The following KIAA1328 variants were observed in gnomAD, a reference collection of about 807,000 sequenced individuals.
KIAA1328 encodes KIAA1328.
Under a neutral mutation model 68.1 loss-of-function variants are expected in KIAA1328, and 52 were observed. The observed-to-expected ratio is 0.76, with a 90% CI of 0.61 to 0.96. The LOEUF is 0.96. Among genes scored for constraint, KIAA1328 ranks in the 40% least tolerant of loss-of-function variants. KIAA1328 has a pLI of 0.00. For missense variants in KIAA1328, 641 were observed against 677.6 expected, an observed-to-expected ratio of 0.95 and a Z score of 0.60; for synonymous variants, 232 against 239.4, an observed-to-expected ratio of 0.97 and a Z score of 0.28.
intron 5 of KIAA1328, 120 bp from the exon 6 acceptor site, chr18:36,959,188 C>T: frequency 1.1e-6 from 1 of 911,960 alleles, no homozygotes; most frequent in South Asian, 2.0e-5. Context: ...ATACTTATGA[C>T]TCTCGCCAAA....
chr18:37,086,139 A>G (rs2057097567), intron 7 of KIAA1328, among the ~76,000 whole-genome samples: 1 of 152,190 alleles, frequency 6.6e-6, no homozygotes. Context: ...GTGAGCTTGA[A>G]TAAGTTCTGG....
intron 5 of KIAA1328, among the ~76,000 whole-genome samples, chr18:36,897,167 C>T (rs958734537): frequency 3.3e-5 from 5 of 151,802 alleles, no homozygotes; most frequent in African/African-American, 4.8e-5. Context: ...TATCATCTTC[C>T]CCCAGTTTTA....
chr18:36,949,778 G>C (rs748576271), intron 5 of KIAA1328, among the ~76,000 whole-genome samples: 4 of 152,112 alleles, frequency 2.6e-5, no homozygotes, highest in Non-Finnish European at 5.9e-5. Flanking sequence ...GGTCACTTGA[G>C]TCTTGTTTCC....
intron 5 of KIAA1328, among the ~76,000 whole-genome samples, chr18:36,899,595 C>A (rs1334697504): frequency 6.6e-6 from 1 of 151,894 alleles, no homozygotes; most frequent in Non-Finnish European, 1.5e-5. Flanking sequence ...TAAAAATATA[C>A]ATATACTCAT....
At chr18:36,836,026 T>C (rs2046661811) in intron 3 of KIAA1328, among the ~76,000 whole-genome samples, 1 of 152,176 alleles carries the variant, frequency 6.6e-6, no homozygotes, top group East Asian at 1.9e-4. Flanking sequence ...CATAATTGTC[T>C]ATGGTTGCTT....
At chr18:36,902,809 T>C (rs1395671078) in intron 5 of KIAA1328, among the ~76,000 whole-genome samples, 1 of 152,108 alleles carries the variant, frequency 6.6e-6, no homozygotes, top group African/African-American at 2.4e-5. Flanking sequence ...TCTACAAGGC[T>C]GTGGGGACTC....
chr18:36,865,736 C>T (rs901859438), intron 4 of KIAA1328, among the ~76,000 whole-genome samples: 2 of 152,130 alleles, frequency 1.3e-5, no homozygotes, highest in Non-Finnish European at 2.9e-5. Context: ...TGCAGCACAC[C>T]AGTTCAGGAT....
At chr18:36,968,855 A>G (rs979925408) in intron 6 of KIAA1328, among the ~76,000 whole-genome samples, 3 of 152,206 alleles carry the variant, frequency 2.0e-5, no homozygotes, top group African/African-American at 7.2e-5. Context: ...ACTGAGTACA[A>G]CATAATCTAA....
chr18:37,101,018 G>T (rs182701), intron 7 of KIAA1328, among the ~76,000 whole-genome samples: 40,527 of 152,006 alleles, frequency 0.27, 8,496 homozygotes, highest in African/African-American at 0.59. Flanking sequence ...AACCCCATCT[G>T]TACGTCACCA....
chr18:36,972,244 A>G (rs1171368390), intron 6 of KIAA1328, among the ~76,000 whole-genome samples: 2 of 152,222 alleles, frequency 1.3e-5, no homozygotes, highest in Admixed American at 6.5e-5. Context: ...TGGACCCTTC[A>G]CACCATGCAC....
chr18:37,021,776 A>G (rs1340357174), intron 6 of KIAA1328, among the ~76,000 whole-genome samples: 5 of 113,422 alleles, frequency 4.4e-5, no homozygotes, highest in African/African-American at 1.3e-4. Flanking sequence ...CCTTAAAACC[A>G]AAAAAAATAC....
chr18:37,117,884 A>AT (rs200382961), intron 7 of KIAA1328, among the ~76,000 whole-genome samples: 1,998 of 143,010 alleles, frequency 0.014, 26 homozygotes, highest in East Asian at 0.058. Context: ...TTTAAAAAAA[A>AT]AAAATATATA....
At chr18:36,933,106 C>T (rs945581377) in intron 5 of KIAA1328, among the ~76,000 whole-genome samples, 4 of 151,948 alleles carry the variant, frequency 2.6e-5, no homozygotes, top group African/African-American at 9.7e-5. Context: ...ATATATAGGA[C>T]TAATGAATAT....
At chr18:37,067,614 G>A (rs1395380482) in intron 7 of KIAA1328, 69 bp downstream of exon 7, 1 of 1,406,136 alleles carries the variant, frequency 7.1e-7, no homozygotes, top group Non-Finnish European at 9.3e-7. Context: ...AGGCTGGAGT[G>A]TAGTGGCACA....
At chr18:37,014,114 T>A (rs1397379009) in intron 6 of KIAA1328, among the ~76,000 whole-genome samples, 3 of 152,266 alleles carry the variant, frequency 2.0e-5, no homozygotes, top group African/African-American at 7.2e-5. Flanking sequence ...TGTGAATTTT[T>A]TATGTTTGTT....
intron 6 of KIAA1328, among the ~76,000 whole-genome samples, chr18:36,967,098 G>A (rs1287890368): frequency 6.6e-6 from 1 of 152,186 alleles, no homozygotes; most frequent in Non-Finnish European, 1.5e-5. Flanking sequence ...TTTCACTCTT[G>A]TGACTATGTT....
chr18:36,963,191 G>A (rs1885957592), intron 6 of KIAA1328, among the ~76,000 whole-genome samples: 1 of 152,206 alleles, frequency 6.6e-6, no homozygotes, highest in South Asian at 2.1e-4. Flanking sequence ...TTTATGTGAA[G>A]TTTCCCTGCT....
At chr18:36,863,253 C>CT (rs974468270) in intron 4 of KIAA1328, among the ~76,000 whole-genome samples, 34 of 144,874 alleles carry the variant, frequency 2.3e-4, no homozygotes, top group Admixed American at 3.4e-4. Flanking sequence ...GGTTGAGGTT[C>CT]TTTTTTTTTT....
rs1243801837 is a variant in KIAA1328 at position 37,195,443 on chromosome 18, C to T, written c.1523+22362C>T. Among the ~76,000 whole-genome samples the T allele has an allele frequency of 5.3e-5, 8 of 152,294 alleles. No homozygotes were observed. In the South Asian group the frequency reaches 8.3e-4, roughly 16 times the overall value. ...ATGTTTTCTTCTAATAGTTTCAAGT[C>T]TCAGGTCTTACAGTTAAGTATTTAA... On this transcript the variant is annotated intron_variant, in intron 9 of 9. Transcript: ENST00000280020.
Sources: allele counts gnomAD v4.1 joint callset (sites outside exome capture counted in the v4.1 genomes callset), GRCh38; gene constraint gnomAD v4.1.1; transcripts MANE v1.5; gene names NCBI Gene and HGNC (gene_info 2026-07-23, HGNC 2026-07-21).